Variants in RYR3 observed in about 807,000 individuals in gnomAD.
RYR3 encodes the protein ryanodine receptor 3.
Under a neutral mutation model 584.3 loss-of-function variants are expected in RYR3, and 207 were observed. The ratio of observed to expected loss-of-function variants is 0.35; its 90% CI spans 0.32 to 0.40. The LOEUF is 0.40. RYR3 is among the 10% of genes least tolerant of loss of function. The pLI is 1.00. For synonymous variants in RYR3, 2,416 were observed against 2,248.5 expected, an observed-to-expected ratio of 1.07 and a Z score of -2.11; for missense variants, 5,616 against 6,089.2, an observed-to-expected ratio of 0.92 and a Z score of 2.59.
intron 38 of RYR3, among the ~76,000 whole-genome samples, chr15:33,693,621 A>G (rs763556170): frequency 3.3e-5 from 5 of 152,234 alleles, no homozygotes; most frequent in Non-Finnish European, 7.3e-5. Flanking sequence ...CAGGGGAAAG[A>G]TCTCTGTCAC....
At chr15:33,857,534 CA>C (rs1267317722) in intron 98 of RYR3, among the ~76,000 whole-genome samples, 2 of 152,098 alleles carry the variant, frequency 1.3e-5, no homozygotes, top group African/African-American at 4.8e-5. Context: ...TGAAGGGACA[CA>C]ATTCAGCCCC....
chr15:33,418,131 T>C (rs2043956783), intron 1 of RYR3, among the ~76,000 whole-genome samples: 1 of 152,118 alleles, frequency 6.6e-6, no homozygotes, highest in African/African-American at 2.4e-5. Flanking sequence ...CTACATTCAT[T>C]AGGGATAGTT....
chr15:33,459,831 C>A (rs1006521914), intron 1 of RYR3, among the ~76,000 whole-genome samples: 34 of 152,090 alleles, frequency 2.2e-4, no homozygotes, highest in Non-Finnish European at 4.1e-4. Context: ...GAAAGCTTCT[C>A]CAAACATGAC....
intron 1 of RYR3, among the ~76,000 whole-genome samples, chr15:33,467,292 T>G (rs1039111437): frequency 2.0e-5 from 3 of 152,248 alleles, no homozygotes; most frequent in Admixed American, 2.0e-4. Flanking sequence ...ACCAGTGATT[T>G]GCAGATCTAA....
chr15:33,708,164 G>C (rs748960858), intron 43 of RYR3, among the ~76,000 whole-genome samples: 6 of 152,138 alleles, frequency 3.9e-5, no homozygotes, highest in Non-Finnish European at 7.3e-5. Flanking sequence ...TAATAGCCTG[G>C]TTCACTTTGT....
At position 33,861,304 on chromosome 15, in the gene RYR3, C is replaced by T. The variant is rs559593668; in HGVS notation, c.14465+126C>T. The T allele has an allele frequency of 4.8e-6, 3 of 622,508 alleles. No individual in the cohort carries two copies. The South Asian group carries it at 5.3e-5, about 11-fold the overall frequency. 38.6% of individuals were successfully genotyped at this position (622,508 alleles called of 1,614,324 possible). On this transcript the variant is annotated intron_variant, in intron 102 of 103. Coordinates refer to ENST00000634891, the MANE Select transcript of RYR3 (RefSeq NM_001036.6). The stretch of plus-strand genomic sequence containing the variant: ...GGAACTTCCAGGAGTCCCCATGAGC[C>T]TGTACCTTTGTCCATAGACTCTGTC...
At position 33,644,203 on chromosome 15, in the gene RYR3, CT is replaced by C. The variant is rs1285298680; in HGVS notation, c.3557-105del. On this transcript the variant is annotated intron_variant, in intron 27 of 103. Transcript: ENST00000634891. ...AAAGAAAGAACGGGTTGTGTCACATCTTTCCTACTGGGAGTCAAAGCCCTTA... is the reference window on the plus strand; with the variant it reads ...AAAGAAAGAACGGGTTGTGTCACATCTTCCTACTGGGAGTCAAAGCCCTTA... 1.1e-5 allele frequency: 9 copies of C among 792,488 alleles called. No homozygotes were observed. In the African/African-American group the frequency reaches 1.6e-4, roughly 14 times the overall value. 49.1% of individuals were successfully genotyped at this position (792,488 alleles called of 1,614,324 possible). A position where few individuals can be genotyped will look rare whatever the true frequency, so the allele number is the denominator to read the frequency against.
chr15:33,734,157 G>T (rs375636604), intron 48 of RYR3, among the ~76,000 whole-genome samples: 7 of 152,150 alleles, frequency 4.6e-5, no homozygotes, highest in African/African-American at 1.7e-4. Flanking sequence ...CCCCAAAAAG[G>T]GTTTTCTCCC....
chr15:33,855,334 G>C (rs1481266756), intron 98 of RYR3, among the ~76,000 whole-genome samples: 2 of 152,190 alleles, frequency 1.3e-5, no homozygotes, highest in African/African-American at 2.4e-5. Flanking sequence ...CTCCAGAGTA[G>C]CTGGGATTAC....
chr15:33,331,369 A>C (rs549816129), intron 1 of RYR3, among the ~76,000 whole-genome samples: 1 of 152,258 alleles, frequency 6.6e-6, no homozygotes, highest in Non-Finnish European at 1.5e-5. Flanking sequence ...TAATTCACTA[A>C]TGTTCTTATA....
intron 16 of RYR3, among the ~76,000 whole-genome samples, chr15:33,599,991 AG>A (rs1452645906): frequency 8.5e-5 from 13 of 152,236 alleles, no homozygotes; most frequent in Non-Finnish European, 2.9e-5. Flanking sequence ...AAGGCAAAAC[AG>A]ATGAAATGTG....
Position 33,581,600 on chromosome 15 carries a change from C to T in RYR3, c.1530C>T (p.Gly510=), listed in dbSNP as rs766201051. The change falls in exon 14 of 104, where the codon GGC becomes GGT. Residue 510 remains glycine (G), a synonymous_variant. Transcript: ENST00000634891. ...CAGGGATTGCAAGGGAAGAGAGTGG[C>T]ATGGCCTGGAAAGAAATTCTGAACC... ...HFAGIAREES[G]MAWKEILNLL... 1.9e-6 allele frequency: 3 copies of T among 1,613,608 alleles called. No individual in the cohort carries two copies. Among genetic ancestry groups the T allele is most frequent in the East Asian group, 2.2e-5 (1 of 44,872 alleles).
chr15:33,659,140 C>T (rs11630586), intron 32 of RYR3, among the ~76,000 whole-genome samples: 52,756 of 152,104 alleles, frequency 0.35, 10,314 homozygotes, highest in Non-Finnish European at 0.45. Context: ...GCAGGGATGC[C>T]GCTCAACATC....
rs1453121038 is a variant in RYR3 at position 33,805,467 on chromosome 15, CTCTTT to C, written c.10012-2086_10012-2082del. ...ATTCCCTCCCCTACCACTTTTCTCT[CTCTTT>C]TTTTTTTTTTTTTCTTCTTCTTTGA... On this transcript the variant is annotated intron_variant, in intron 69 of 103. Coordinates refer to ENST00000634891, the MANE Select transcript of RYR3 (RefSeq NM_001036.6). Among the ~76,000 whole-genome samples, 7 of 106,816 alleles carry C rather than the reference CTCTTT, an allele frequency of 6.6e-5. No homozygotes were observed. In the East Asian group the frequency reaches 1.4e-3, roughly 22 times the overall value. The allele number at this position is 106,816 out of a possible 152,430, so 70.1% of individuals were successfully genotyped here.
At chr15:33,396,619 C>T (rs1460747512) in intron 1 of RYR3, among the ~76,000 whole-genome samples, 2 of 152,194 alleles carry the variant, frequency 1.3e-5, no homozygotes, top group African/African-American at 4.8e-5. Flanking sequence ...AAAACTGCAG[C>T]TGCCTGTGTA....
intron 40 of RYR3, among the ~76,000 whole-genome samples, chr15:33,698,775 G>A (rs12907066): frequency 0.36 from 54,267 of 151,836 alleles, 10,302 homozygotes; most frequent in African/African-American, 0.5. Context: ...GAAGATCCCT[G>A]AGCACATGTC....
intron 91 of RYR3, among the ~76,000 whole-genome samples, chr15:33,842,508 T>C (rs984313601): frequency 3.3e-5 from 5 of 152,248 alleles, no homozygotes; most frequent in Admixed American, 2.6e-4. Flanking sequence ...CTCTGATACA[T>C]TGCCCTCTGA....
In RYR3 at chr15:33,865,393, G is replaced by C. The variant is rs917778628; in HGVS notation, c.*167G>C. ...TATTTTGAAATTGATTTGGCTTTTT[G>C]TGCCTAATGGACATACACTGTGGGA... On this transcript the variant is annotated 3_prime_UTR_variant, in exon 104 of 104. Coordinates refer to ENST00000634891, the MANE Select transcript of RYR3 (RefSeq NM_001036.6). 2 of 593,774 alleles carry C rather than the reference G, an allele frequency of 3.4e-6. No individual in the cohort carries two copies. Among genetic ancestry groups the C allele is most frequent in the East Asian group, 2.8e-5 (1 of 35,798 alleles). 36.8% of individuals were successfully genotyped at this position (593,774 alleles called of 1,614,324 possible).
intron 70 of RYR3, among the ~76,000 whole-genome samples, chr15:33,808,194 A>C (rs1596710089): frequency 6.6e-6 from 1 of 152,256 alleles, no homozygotes; most frequent in African/African-American, 2.4e-5. Context: ...TAGTTAGGAA[A>C]GGAAGATGGA....
Sources: gnomAD v4.1 joint callset for allele counts (sites outside exome capture counted in the v4.1 genomes callset) on GRCh38, gnomAD v4.1.1 for gene constraint, MANE v1.5 for transcripts, NCBI Gene and HGNC (gene_info 2026-07-23, HGNC 2026-07-21) for gene names.